The following SPATA6 variants were observed in gnomAD, a reference collection of about 807,000 sequenced individuals.
SPATA6 encodes the protein spermatogenesis associated 6, also known as spermatogenesis-associated protein 6.
Under a neutral mutation model 65.3 loss-of-function variants are expected in SPATA6, and 56 were observed. That is an observed-to-expected ratio of 0.86 (90% CI 0.69 to 1.07). The LOEUF is 1.07. SPATA6 is among the 50% of genes least tolerant of loss of function. SPATA6 has a pLI of 0.00. For missense variants in SPATA6, 590 were observed against 594.8 expected (o/e 0.99, Z 0.08); for synonymous variants, 199 against 213.2 (o/e 0.93, Z 0.58).
the SPATA6 span, among the ~76,000 whole-genome samples, chr1:48,279,676 A>G: frequency 6.6e-6 from 1 of 152,228 alleles, no homozygotes; most frequent in Non-Finnish European, 1.5e-5. Flanking sequence ...ATGCAGATTC[A>G]TAAAGCAAGT....
At chr1:48,471,209 G>A (rs928536765) in intron 1 of SPATA6, among the ~76,000 whole-genome samples, 2 of 152,212 alleles carry the variant, frequency 1.3e-5, no homozygotes, top group African/African-American at 2.4e-5. Flanking sequence ...CAGGAGGATG[G>A]AGGAAAGCAT....
intron 11 of SPATA6, among the ~76,000 whole-genome samples, chr1:48,312,544 T>G (rs1286891959): frequency 6.6e-6 from 1 of 152,204 alleles, no homozygotes; most frequent in Non-Finnish European, 1.5e-5. Flanking sequence ...AAAACCCATC[T>G]GTACGTCACC....
chr1:48,471,306 C>T (rs891372345), intron 1 of SPATA6, among the ~76,000 whole-genome samples: 4 of 152,112 alleles, frequency 2.6e-5, no homozygotes, highest in Non-Finnish European at 5.9e-5. Context: ...CTGGGCCTTT[C>T]TTGCAATGGC....
chr1:48,446,628 A>G (rs1443320507), intron 3 of SPATA6, among the ~76,000 whole-genome samples: 2 of 152,220 alleles, frequency 1.3e-5, no homozygotes, highest in Non-Finnish European at 2.9e-5. Context: ...AGGAAAGAAG[A>G]TTGAATTTGG....
intron 9 of SPATA6, among the ~76,000 whole-genome samples, chr1:48,364,117 C>T (rs1198361556): frequency 1.4e-4 from 22 of 152,284 alleles, no homozygotes; most frequent in Non-Finnish European, 1.0e-4. Context: ...CATGTCCCTA[C>T]AAAGGACATG....
chr1:48,266,294 AAACAATAG>A, the SPATA6 span, among the ~76,000 whole-genome samples: 1 of 152,232 alleles, frequency 6.6e-6, no homozygotes, highest in African/African-American at 2.4e-5. Flanking sequence ...AAGGAAAATC[AAACAATAG>A]TAGGGAAAAG....
chr1:48,462,036 C>G (rs1347848112), intron 1 of SPATA6, among the ~76,000 whole-genome samples: 1 of 152,182 alleles, frequency 6.6e-6, no homozygotes, highest in Non-Finnish European at 1.5e-5. Context: ...GAGTTCATGT[C>G]CTTTGTAGGG....
chr1:48,369,287 C>T (rs570160132), intron 9 of SPATA6, among the ~76,000 whole-genome samples: 15 of 152,300 alleles, frequency 9.8e-5, no homozygotes, highest in Admixed American at 2.6e-4. Context: ...TCTCCAGCTG[C>T]GTGCTGGGAG....
intron 11 of SPATA6, among the ~76,000 whole-genome samples, chr1:48,308,571 C>A (rs1645118958): frequency 6.6e-6 from 1 of 152,134 alleles, no homozygotes; most frequent in African/African-American, 2.4e-5. Context: ...TGAATCTGAG[C>A]TACTGTCTAG....
At chr1:48,442,599 G>C (rs1262258105) in intron 3 of SPATA6, among the ~76,000 whole-genome samples, 2 of 150,658 alleles carry the variant, frequency 1.3e-5, no homozygotes, top group Non-Finnish European at 2.9e-5. Context: ...CAGAGAAAGA[G>C]AGAGAGAGAG....
intron 1 of SPATA6, among the ~76,000 whole-genome samples, chr1:48,466,948 A>G (rs749619083): frequency 2.0e-5 from 3 of 152,132 alleles, no homozygotes; most frequent in Non-Finnish European, 4.4e-5. Flanking sequence ...TTTCCCAAAT[A>G]AGCTCATAAA....
At chr1:48,371,498 G>A (rs1647284667) in intron 9 of SPATA6, among the ~76,000 whole-genome samples, 2 of 152,212 alleles carry the variant, frequency 1.3e-5, no homozygotes, top group African/African-American at 4.8e-5. Flanking sequence ...CAGCATGTTA[G>A]GCAATACTGC....
rs1336349247 is a variant in SPATA6 at position 48,397,161 on chromosome 1, CAT to C, written c.781-1809_781-1808del. Among the ~76,000 whole-genome samples the C allele has an allele frequency of 5.3e-5, 8 of 151,592 alleles. No homozygotes were observed. In the East Asian group the frequency reaches 1.5e-3, roughly 29 times the overall value. On this transcript the variant is annotated intron_variant, in intron 7 of 12. Coordinates refer to ENST00000371847, the MANE Select transcript of SPATA6 (RefSeq NM_019073.4). ...TATGAAATGGTAGAATAGGCAAATT[CAT>C]AGAGACAGAAAGCAGATTAGTGATT...
intron 7 of SPATA6, among the ~76,000 whole-genome samples, chr1:48,398,306 C>T (rs1650798919): frequency 6.6e-6 from 1 of 151,390 alleles, no homozygotes; most frequent in Non-Finnish European, 1.5e-5. Context: ...AAAAAAACGA[C>T]TCATAGTCAA....
chr1:48,472,047 G>C lies in SPATA6; in HGVS notation c.-39C>G, dbSNP rs771464095. ...GGCGGCGGGGAGTGACCCCGGCCAC[G>C]GGCCCGAGTGAGGCGGGGAGACCTG... is the stretch of plus-strand genomic sequence containing the variant. On this transcript the variant is annotated 5_prime_UTR_variant, in exon 1 of 13. Coordinates refer to ENST00000371847, the MANE Select transcript of SPATA6 (RefSeq NM_019073.4). The C allele has an allele frequency of 1.4e-5, 20 of 1,461,242 alleles. No homozygotes were observed. The highest frequency in any genetic ancestry group is 1.7e-5 in the Non-Finnish European group (19 of 1,105,802). The allele number at this position is 1,461,242 out of a possible 1,614,324, so 90.5% of individuals were successfully genotyped here. A position where few individuals can be genotyped will look rare whatever the true frequency, so the allele number is the denominator to read the frequency against.
intron 11 of SPATA6, among the ~76,000 whole-genome samples, chr1:48,350,086 T>C (rs1166321900): frequency 6.6e-6 from 1 of 151,808 alleles, no homozygotes; most frequent in African/African-American, 2.4e-5. Context: ...GAAATGGGAG[T>C]TCCTATTATT....
chr1:48,398,707 A>G (rs1650840973), intron 7 of SPATA6, among the ~76,000 whole-genome samples: 1 of 151,790 alleles, frequency 6.6e-6, no homozygotes, highest in Non-Finnish European at 1.5e-5. Flanking sequence ...CCTTTCCTAA[A>G]CATTCTGATT....
chr1:48,283,360 T>A, the SPATA6 span, among the ~76,000 whole-genome samples: 178 of 150,982 alleles, frequency 1.2e-3, no homozygotes, highest in Middle Eastern at 6.9e-3. Context: ...ATAAAAAAAA[T>A]TTTTAAAAAA....
chr1:48,403,912 C>T (rs1651430669), intron 5 of SPATA6, 30 bp from the exon 6 acceptor site: 2 of 1,470,908 alleles, frequency 1.4e-6, no homozygotes, highest in Non-Finnish European at 1.9e-6. Context: ...TATTATTACA[C>T]ATTTCCATTT....
Sources: allele counts gnomAD v4.1 joint callset (sites outside exome capture counted in the v4.1 genomes callset), GRCh38; gene constraint gnomAD v4.1.1; transcripts MANE v1.5; gene names NCBI Gene and HGNC (gene_info 2026-07-23, HGNC 2026-07-21).